Variants in MMP16 observed in about 807,000 individuals in gnomAD.
MMP16 encodes matrix metallopeptidase 16, also known as matrix metalloproteinase-16.
A neutral mutation model predicts 67.8 loss-of-function variants in MMP16; 12 were observed. The ratio of observed to expected loss-of-function variants is 0.18; its 90% CI spans 0.11 to 0.29. The LOEUF is 0.29. Ranked by LOEUF, MMP16 falls within the 10% of genes least tolerant of loss-of-function variation. The probability of loss-of-function intolerance (pLI) is 1.00; values close to 1 mark genes in which losing one functional copy is unlikely to be tolerated. For missense variants in MMP16, 475 were observed against 765.7 expected, an observed-to-expected ratio of 0.62 and a Z score of 4.48; for synonymous variants, 249 against 255.9, an observed-to-expected ratio of 0.97 and a Z score of 0.26.
chr8:88,153,545 C>A lies in MMP16; in HGVS notation c.709+14124G>T, dbSNP rs552898840. The stretch of plus-strand genomic sequence containing the variant: ...ATAGATCAATGGAACAGAACAGAGC[C>A]CTCAGAAATAACACCGCACACCTAC... On this transcript the variant is annotated intron_variant, in intron 4 of 9. Transcript: ENST00000286614. Among the ~76,000 whole-genome samples the A allele has an allele frequency of 2.1e-3, 325 of 152,078 alleles. 1 individual carries two copies. The highest frequency in any genetic ancestry group is 7.5e-3 in the African/African-American group (311 of 41,470).
At chr8:88,223,727 A>G (rs1809723485) in intron 1 of MMP16, among the ~76,000 whole-genome samples, 1 of 149,444 alleles carries the variant, frequency 6.7e-6, no homozygotes. Context: ...GCATTAGGAG[A>G]TATACCTAAT....
intron 1 of MMP16, 142 bp downstream of exon 1, chr8:88,326,933 G>T: frequency 9.4e-7 from 1 of 1,066,394 alleles, no homozygotes; most frequent in Non-Finnish European, 1.4e-6. Flanking sequence ...CCCTTAAACT[G>T]AACCAGGGTC....
intron 7 of MMP16, among the ~76,000 whole-genome samples, chr8:88,061,893 T>A (rs894943337): frequency 2.0e-5 from 3 of 152,030 alleles, no homozygotes; most frequent in African/African-American, 7.2e-5. Context: ...ATCAGCTTTT[T>A]TTTTTTTCTT....
chr8:88,046,312 T>C (rs937604649), intron 9 of MMP16, among the ~76,000 whole-genome samples: 2 of 152,190 alleles, frequency 1.3e-5, no homozygotes, highest in African/African-American at 2.4e-5. Context: ...ATACCTCGAG[T>C]GGCACCTCTA....
intron 7 of MMP16, among the ~76,000 whole-genome samples, chr8:88,059,473 A>G (rs1282558630): frequency 6.6e-6 from 1 of 152,138 alleles, no homozygotes; most frequent in Non-Finnish European, 1.5e-5. Flanking sequence ...TCCAAATTTG[A>G]ACTCATCTGA....
intron 6 of MMP16, among the ~76,000 whole-genome samples, chr8:88,096,736 C>T (rs1320631362): frequency 6.6e-6 from 1 of 151,848 alleles, no homozygotes; most frequent in Non-Finnish European, 1.5e-5. Flanking sequence ...ATGCAACCCT[C>T]ATAGGAAAGT....
In MMP16 at chr8:88,033,589, C is replaced by A. The variant is rs954514194; in HGVS notation, c.*7872G>T. 6.6e-6 allele frequency: 1 copy of A among 151,706 alleles called. No individual in the cohort carries two copies. The highest frequency in any genetic ancestry group is 2.4e-5 in the African/African-American group (1 of 41,360). 9.4% of individuals were successfully genotyped at this position (151,706 alleles called of 1,614,324 possible). ...TTAAGTTTATTAAAAGTTATATTAG[C>A]GCAAAATTGAACTAGTAAACTCCAT... On this transcript the variant is annotated 3_prime_UTR_variant, in exon 10 of 10. Coordinates refer to ENST00000286614, the MANE Select transcript of MMP16 (RefSeq NM_005941.5).
At chr8:88,084,431 T>C (rs1360095710) in intron 6 of MMP16, among the ~76,000 whole-genome samples, 1 of 150,342 alleles carries the variant, frequency 6.7e-6, no homozygotes, top group African/African-American at 2.4e-5. Context: ...TATAAGACTA[T>C]AAACTTGGCT....
intron 3 of MMP16, among the ~76,000 whole-genome samples, chr8:88,174,597 A>G (rs1808856750): frequency 2.0e-5 from 3 of 152,180 alleles, no homozygotes; most frequent in Admixed American, 6.5e-5. Flanking sequence ...TAATTTTCCA[A>G]TCATTTAAAA....
chr8:88,252,957 A>C lies in MMP16; in HGVS notation c.133-55651T>G, dbSNP rs79898937. Among the ~76,000 whole-genome samples, 1,359 of 152,236 alleles carry C rather than the reference A, an allele frequency of 8.9e-3. 20 individuals are homozygous for C. The highest frequency in any genetic ancestry group is 0.031 in the African/African-American group (1,299 of 41,556). ...AGTAGATTTGATCAATAAATGTGCA[A>C]TTCTCTGGGAACTAGTTCAGATACT... On this transcript the variant is annotated intron_variant, in intron 1 of 9. Transcript: ENST00000286614.
chr8:88,211,872 T>C (rs969777229), intron 1 of MMP16, among the ~76,000 whole-genome samples: 4 of 152,194 alleles, frequency 2.6e-5, no homozygotes, highest in Non-Finnish European at 5.9e-5. Flanking sequence ...CCGAAATGGT[T>C]GAAAATTATT....
chr8:88,068,071 C>G (rs1193880476), intron 7 of MMP16, among the ~76,000 whole-genome samples: 2 of 152,084 alleles, frequency 1.3e-5, no homozygotes, highest in Admixed American at 6.6e-5. Context: ...CCTGCCAATA[C>G]TTGGTATGGT....
intron 4 of MMP16, among the ~76,000 whole-genome samples, chr8:88,136,389 A>G (rs765399896): frequency 6.6e-6 from 1 of 151,818 alleles, no homozygotes; most frequent in African/African-American, 2.4e-5. Context: ...ATTTTCATTA[A>G]TGTAAAATGT....
chr8:88,078,393 A>G (rs890338720), intron 6 of MMP16, among the ~76,000 whole-genome samples: 33 of 152,202 alleles, frequency 2.2e-4, no homozygotes, highest in African/African-American at 7.7e-4. Context: ...ATGGAGCAGT[A>G]ACATACGGGG....
chr8:88,056,168 A>G lies in MMP16; in HGVS notation c.1333T>C (p.Trp445Arg). Residue 445 changes from tryptophan to arginine, a missense_variant, in exon 8 of 10, where the codon TGG (tryptophan) becomes CGG (arginine). This residue lies in a region of MMP16 where 195 missense variants were observed against 300.9 expected (regional missense o/e 0.65). Transcript: ENST00000286614. ...PPHGIDSAIW[W>R]EDVGKTYFFK... The stretch of plus-strand genomic sequence containing the variant: ...AAATAGGTTTTCCCGACGTCCTCCC[A>G]CCAAATGGCTGAATCAATACCATGA... 1.3e-6 allele frequency: 2 copies of G among 1,591,896 alleles called. No homozygotes were observed. Among genetic ancestry groups the G allele is most frequent in the Non-Finnish European group, 1.7e-6 (2 of 1,167,514 alleles).
chr8:88,123,159 A>T (rs191474135), intron 4 of MMP16, among the ~76,000 whole-genome samples: 1 of 151,938 alleles, frequency 6.6e-6, no homozygotes, highest in Non-Finnish European at 1.5e-5. Flanking sequence ...GTATTTTAGC[A>T]CTCTATCTCC....
chr8:88,325,249 G>C (rs898739821), intron 1 of MMP16, among the ~76,000 whole-genome samples: 17 of 152,052 alleles, frequency 1.1e-4, no homozygotes, highest in African/African-American at 3.9e-4. Context: ...AACTTACTGA[G>C]GGATTCCAAT....
chr8:88,236,474 G>C (rs1158141120), intron 1 of MMP16, among the ~76,000 whole-genome samples: 1 of 152,034 alleles, frequency 6.6e-6, no homozygotes, highest in Non-Finnish European at 1.5e-5. Flanking sequence ...ACCAGCCCTA[G>C]GGCCAGGCAC....
At chr8:88,207,967 T>G (rs561636360) in intron 1 of MMP16, among the ~76,000 whole-genome samples, 1 of 152,138 alleles carries the variant, frequency 6.6e-6, no homozygotes, top group Non-Finnish European at 1.5e-5. Context: ...CAGGAAAGGA[T>G]GGTTTGATAA....
Sources: gnomAD v4.1 joint callset for allele counts (sites outside exome capture counted in the v4.1 genomes callset) on GRCh38, gnomAD v4.1.1 for gene constraint, gnomAD v4.1.1 regional missense constraint, MANE v1.5 for transcripts, NCBI Gene and HGNC (gene_info 2026-07-23, HGNC 2026-07-21) for gene names.